Variants in ACACA observed in about 807,000 individuals in gnomAD.
ACACA encodes the protein acetyl-CoA carboxylase alpha.
A neutral mutation model predicts 296.1 loss-of-function variants in ACACA; 103 were observed. The ratio of observed to expected loss-of-function variants is 0.35; its 90% CI spans 0.30 to 0.41. The LOEUF (loss-of-function observed/expected upper bound fraction) is 0.41, where lower values mean the gene tolerates loss of function less well. ACACA is among the 10% of genes least tolerant of loss of function. The pLI is 1.00. For synonymous variants in ACACA, 953 were observed against 1,038.6 expected (o/e 0.92, Z 1.58); for missense variants, 1,554 against 2,989.7 (o/e 0.52, Z 11.20).
At chr17:37,248,219 A>G in intron 17 of ACACA, 63 bp from the exon 18 acceptor site, 1 of 1,587,728 alleles carries the variant, frequency 6.3e-7, no homozygotes, top group Non-Finnish European at 8.6e-7. Context: ...ATGAAATTTG[A>G]ATGCTTCAAA....
intron 33 of ACACA, 84 bp from the exon 34 acceptor site, chr17:37,200,567 T>C (rs2078203607): frequency 7.8e-7 from 1 of 1,278,384 alleles, no homozygotes; most frequent in African/African-American, 1.5e-5. Context: ...TTGTAAGGCT[T>C]TGGTGGAGTT....
chr17:37,270,710 T>A (rs763733010), intron 10 of ACACA, 41 bp downstream of exon 10: 9 of 1,399,514 alleles, frequency 6.4e-6, no homozygotes. Context: ...ATCTCTGATA[T>A]ACATGTTAGT....
At chr17:37,351,400 T>C (rs2048897734) in intron 1 of ACACA, among the ~76,000 whole-genome samples, 1 of 152,176 alleles carries the variant, frequency 6.6e-6, no homozygotes, top group African/African-American at 2.4e-5. Context: ...GAGGCAGAGG[T>C]TGCAGTGAGT....
intron 3 of ACACA, among the ~76,000 whole-genome samples, chr17:37,319,638 C>T (rs1185873922): frequency 2.6e-5 from 4 of 151,618 alleles, no homozygotes; most frequent in Non-Finnish European, 5.9e-5. Context: ...CCCTGGGCAA[C>T]GTGGTGAGAC....
At chr17:37,225,418 C>T (rs73299369) in intron 26 of ACACA, 5,999 of 313,104 alleles carry the variant, frequency 0.019, 233 homozygotes, top group African/African-American at 0.095. Context: ...AGCTGCTGGT[C>T]CTAGGGACTG....
intron 3 of ACACA, among the ~76,000 whole-genome samples, chr17:37,325,579 C>CTTTTTTTTTTTTTTTTTTTTT (rs1156553256): frequency 2.4e-4 from 16 of 67,924 alleles, no homozygotes; most frequent in Admixed American, 6.7e-4. Context: ...TCTTTTCTTT[C>CTTTTTTTTTTTTTTTTTTTTT]TTTTTTTTTT....
At chr17:37,354,892 A>C (rs1284301499) in intron 1 of ACACA, among the ~76,000 whole-genome samples, 2 of 152,150 alleles carry the variant, frequency 1.3e-5, no homozygotes, top group African/African-American at 2.4e-5. Flanking sequence ...ACGTCACTGC[A>C]CTCCATCCGG....
intron 30 of ACACA, 62 bp from the exon 31 acceptor site, chr17:37,207,862 A>G: frequency 1.3e-6 from 2 of 1,584,058 alleles, no homozygotes; most frequent in Non-Finnish European, 8.7e-7. Flanking sequence ...CTGGGAAAGT[A>G]ACAGTAGGGA....
At chr17:37,119,814 G>A (rs1242305819) in intron 50 of ACACA, among the ~76,000 whole-genome samples, 17 of 151,776 alleles carry the variant, frequency 1.1e-4, no homozygotes, top group Non-Finnish European at 2.9e-5. Flanking sequence ...TCTGCCCTAA[G>A]CTATTTTTAA....
intron 1 of ACACA, chr17:37,387,898 C>T (rs923815431): frequency 1.2e-4 from 18 of 152,056 alleles, no homozygotes; most frequent in Non-Finnish European, 8.8e-5. Context: ...TGAGTTGGCT[C>T]ACACCTGTAA....
intron 42 of ACACA, among the ~76,000 whole-genome samples, chr17:37,159,536 C>T (rs2076383492): frequency 6.6e-6 from 1 of 152,196 alleles, no homozygotes; most frequent in Non-Finnish European, 1.5e-5. Flanking sequence ...ATGTATAACT[C>T]AGTAGACTTT....
chr17:37,310,646 T>G (rs1044167194), intron 3 of ACACA, among the ~76,000 whole-genome samples: 15 of 151,086 alleles, frequency 9.9e-5, no homozygotes, highest in African/African-American at 3.4e-4. Context: ...ATACAAAAAA[T>G]TAGCCAGGCA....
intron 3 of ACACA, among the ~76,000 whole-genome samples, chr17:37,305,164 T>C (rs913581127): frequency 4.6e-5 from 7 of 152,208 alleles, no homozygotes; most frequent in African/African-American, 1.4e-4. Flanking sequence ...TAACCTGTCA[T>C]GGGATTAGAA....
intron 48 of ACACA, chr17:37,122,850 AT>A (rs1400301558): frequency 8.0e-6 from 5 of 622,292 alleles, no homozygotes; most frequent in South Asian, 1.9e-5. Flanking sequence ...CTATTCGGAA[AT>A]GTCCCAACAC....
At chr17:37,230,336 A>C (rs2079797451) in intron 25 of ACACA, among the ~76,000 whole-genome samples, 1 of 151,536 alleles carries the variant, frequency 6.6e-6, no homozygotes, top group Non-Finnish European at 1.5e-5. Context: ...GTGAGCCAAG[A>C]TCGCGCCGTT....
chr17:37,095,593 A>G (rs1310309213), intron 54 of ACACA, among the ~76,000 whole-genome samples: 1 of 152,080 alleles, frequency 6.6e-6, no homozygotes, highest in Admixed American at 6.5e-5. Context: ...GTGGGCCAGG[A>G]CCCTTCAAGC....
rs1300312647 is a variant in ACACA, at chr17:37,097,394, T to C, written c.6721-228A>G. Among the ~76,000 whole-genome samples, 1 of 152,212 alleles carries C rather than the reference T, an allele frequency of 6.6e-6. No homozygotes were observed. Among genetic ancestry groups the C allele is most frequent in the Non-Finnish European group, 1.5e-5 (1 of 68,034 alleles). On this transcript the variant is annotated intron_variant, in intron 53 of 55. Transcript: ENST00000616317. The surrounding 1 kb of genome is among the most constrained non-coding windows in gnomAD (Gnocchi z 4.8). ...CAGCCATGGGCCTGGCTAATGCTGATCCCACACATGGCTGAGATGTTCTGG... is the reference window on the plus strand; with the variant it reads ...CAGCCATGGGCCTGGCTAATGCTGACCCCACACATGGCTGAGATGTTCTGG...
chr17:37,247,591 T>C (rs1458421292), intron 18 of ACACA, among the ~76,000 whole-genome samples: 1 of 152,208 alleles, frequency 6.6e-6, no homozygotes, highest in African/African-American at 2.4e-5. Context: ...GGTCTTGAAC[T>C]CCCAGCCTCA....
chr17:37,136,257 G>T (rs2075328725), intron 45 of ACACA, among the ~76,000 whole-genome samples: 1 of 151,926 alleles, frequency 6.6e-6, no homozygotes, highest in Non-Finnish European at 1.5e-5. Context: ...TGATCTTTTT[G>T]TTCCAGTAGT....
Sources: gnomAD v4.1 joint callset for allele counts (sites outside exome capture counted in the v4.1 genomes callset) on GRCh38, gnomAD v4.1.1 for gene constraint, Gnocchi (gnomAD v3.1) non-coding constraint, MANE v1.5 for transcripts, NCBI Gene and HGNC (gene_info 2026-07-23, HGNC 2026-07-21) for gene names.